Variants in XRN1 observed in about 807,000 individuals in gnomAD.
XRN1 encodes the protein 5'-3' exoribonuclease 1.
XRN1 carries 67 observed loss-of-function variants against 222.3 expected under a neutral mutation model. The observed-to-expected ratio is 0.30, with a 90% confidence interval of 0.25 to 0.37. The LOEUF is 0.37. Ranked by LOEUF, XRN1 falls within the 10% of genes least tolerant of loss-of-function variation. The pLI, the probability that XRN1 is intolerant of heterozygous loss-of-function variation, is 1.00. For missense variants in XRN1, 1,707 were observed against 2,000.2 expected, an observed-to-expected ratio of 0.85 and a Z score of 2.80; for synonymous variants, 643 against 652.4, an observed-to-expected ratio of 0.99 and a Z score of 0.22.
At chr3:142,383,254 C>T in intron 22 of XRN1, 46 bp downstream of exon 22, 1 of 1,455,156 alleles carries the variant, frequency 6.9e-7, no homozygotes, top group Non-Finnish European at 9.5e-7. Context: ...TAAGTAACTG[C>T]TTTAAACTAG....
chr3:142,332,465 T>C lies in XRN1; in HGVS notation c.4132A>G (p.Ile1378Val). The C allele has an allele frequency of 6.2e-7, 1 of 1,613,576 alleles. No individual in the cohort carries two copies. Among genetic ancestry groups the C allele is most frequent in the Non-Finnish European group, 8.5e-7 (1 of 1,179,640 alleles). The change falls in exon 36 of 41, where the codon ATC (isoleucine) becomes GTC (valine). Residue 1378 changes from isoleucine to valine, a missense_variant. Ile to Val is a conservative substitution (Grantham distance 29). Transcript: ENST00000392981. ...GGGATTTCATTAGCAATCTGTTTGA[T>C]TTCATTCTTATGGTCCACAGTGTTA... ...GSNTVDHKNE[I>V]KQIANEIPVS...
intron 33 of XRN1, among the ~76,000 whole-genome samples, chr3:142,343,815 T>C (rs1173475781): frequency 1.3e-5 from 2 of 152,284 alleles, no homozygotes. Flanking sequence ...TCACAACAGC[T>C]AAGATTTGGA....
At chr3:142,383,670 A>G (rs1470181829) in intron 21 of XRN1, among the ~76,000 whole-genome samples, 1 of 152,176 alleles carries the variant, frequency 6.6e-6, no homozygotes, top group Non-Finnish European at 1.5e-5. Flanking sequence ...TTTACAGATG[A>G]CAAAACTGGG....
chr3:142,443,444 A>C (rs971430212), intron 1 of XRN1, among the ~76,000 whole-genome samples: 17 of 106,214 alleles, frequency 1.6e-4, no homozygotes, highest in African/African-American at 4.8e-4. Context: ...ACACCTGATC[A>C]ATCAGAGAGC....
rs771901446 is a variant in XRN1, at chr3:142,333,107, T to C, written c.3940-18A>G. On this transcript the variant is annotated intron_variant, in intron 34 of 40. Coordinates refer to ENST00000392981, the MANE Select transcript of XRN1 (RefSeq NM_001282857.2). ...GAGTTAGGCTAAAAGAATAAATATT[T>C]TGGGCATGAAGATGAACGTATAATA... The C allele has an allele frequency of 5.6e-6, 9 of 1,608,424 alleles. No individual in the cohort carries two copies. The highest frequency in any genetic ancestry group is 7.6e-6 in the Non-Finnish European group (9 of 1,177,748).
chr3:142,371,774 C>T (rs542127404), intron 25 of XRN1, among the ~76,000 whole-genome samples: 7 of 152,240 alleles, frequency 4.6e-5, no homozygotes, highest in East Asian at 1.9e-4. Flanking sequence ...GCAAACTGAA[C>T]GTATATGCTT....
intron 7 of XRN1, 24 bp downstream of exon 7, chr3:142,422,811 G>A: frequency 1.2e-6 from 2 of 1,602,814 alleles, no homozygotes; most frequent in Non-Finnish European, 1.7e-6. Context: ...GAAATCCTTG[G>A]TCCATGGCTT....
At chr3:142,432,005 TAA>T (rs1343276938) in intron 2 of XRN1, among the ~76,000 whole-genome samples, 2 of 59,546 alleles carry the variant, frequency 3.4e-5, no homozygotes, top group African/African-American at 1.8e-4. Flanking sequence ...TGTATATATA[TAA>T]ATATATATTT....
rs746232160 is a variant in XRN1, at chr3:142,332,476, T to C, written c.4121A>G (p.His1374Arg). Residue 1374 changes from histidine (H) to arginine (R), a missense_variant, in exon 36 of 41, where the codon CAT becomes CGT. Coordinates refer to ENST00000392981, the MANE Select transcript of XRN1 (RefSeq NM_001282857.2). ...LKIDGSNTVD[H>R]KNEIKQIANE... ...AGCAATCTGTTTGATTTCATTCTTA[T>C]GGTCCACAGTGTTAGAGCCATCAAT... 7.4e-6 allele frequency: 12 copies of C among 1,613,698 alleles called. No individual in the cohort carries two copies. The highest frequency in any genetic ancestry group is 1.1e-5 in the South Asian group (1 of 91,058).
chr3:142,335,400 T>C (rs766773479), intron 34 of XRN1, 48 bp downstream of exon 34: 26 of 1,549,662 alleles, frequency 1.7e-5, no homozygotes, highest in Non-Finnish European at 2.0e-5. Flanking sequence ...GAGCCACCAA[T>C]TGCATTAAAA....
intron 20 of XRN1, among the ~76,000 whole-genome samples, chr3:142,390,917 T>C (rs949355442): frequency 2.6e-5 from 4 of 152,156 alleles, no homozygotes; most frequent in Admixed American, 2.0e-4. Context: ...CTATGTCTCA[T>C]GGAATAGGGA....
At chr3:142,410,764 G>C (rs2068544397) in intron 15 of XRN1, among the ~76,000 whole-genome samples, 1 of 152,026 alleles carries the variant, frequency 6.6e-6, no homozygotes, top group African/African-American at 2.4e-5. Flanking sequence ...AAAGTGCTGG[G>C]ATTACAGGCA....
intron 33 of XRN1, among the ~76,000 whole-genome samples, chr3:142,338,207 AG>A (rs1164449762): frequency 6.6e-6 from 1 of 152,210 alleles, no homozygotes; most frequent in African/African-American, 2.4e-5. Context: ...AGGCTCCAAA[AG>A]ACATCCCTCT....
rs1393435784 is a variant in XRN1, at chr3:142,357,053, G to C, written c.3531C>G (p.Arg1177=). 1.8e-5 allele frequency: 29 copies of C among 1,613,860 alleles called. No homozygotes were observed. The highest frequency in any genetic ancestry group is 2.4e-5 in the Non-Finnish European group (28 of 1,179,932). The stretch of plus-strand genomic sequence containing the variant: ...TCAACTTCTGATTTCCAGTTTCAGA[G>C]CGACTCCCATGAGAAAGGTTCACCA... ...SALVNLSHGS[R]SETGNQKLTA... The change falls in exon 31 of 41, where the codon CGC becomes CGG. Residue 1177 remains arginine, a synonymous_variant. Transcript: ENST00000392981.
Position 142,311,448 on chromosome 3 carries a change from G to T in XRN1, c.*63C>A. 1 of 1,384,408 alleles carries T rather than the reference G, an allele frequency of 7.2e-7. No individual in the cohort carries two copies. Among genetic ancestry groups the T allele is most frequent in the Non-Finnish European group, 9.8e-7 (1 of 1,019,872 alleles). 85.8% of individuals were successfully genotyped at this position (1,384,408 alleles called of 1,614,324 possible). On this transcript the variant is annotated 3_prime_UTR_variant, in exon 41 of 41. Coordinates refer to ENST00000392981, the MANE Select transcript of XRN1 (RefSeq NM_001282857.2). The stretch of plus-strand genomic sequence containing the variant: ...TACATTCTAATTTTTATGAGACATA[G>T]ATATGTATTTATAAAAAGGTAGATG...
chr3:142,377,086 A>G (rs538268933), intron 23 of XRN1, among the ~76,000 whole-genome samples: 4 of 152,236 alleles, frequency 2.6e-5, no homozygotes, highest in Admixed American at 6.5e-5. Context: ...ATATATGGAT[A>G]TAAGTAATAT....
At chr3:142,316,352 G>A (rs1417737366) in intron 39 of XRN1, among the ~76,000 whole-genome samples, 3 of 151,846 alleles carry the variant, frequency 2.0e-5, no homozygotes, top group African/African-American at 7.3e-5. Context: ...AAGTAGCTGG[G>A]ACTATAGGTG....
rs372085144 is a variant in XRN1 at position 142,422,707 on chromosome 3, T to C, written c.842A>G (p.Asp281Gly). The C allele has an allele frequency of 6.2e-7, 1 of 1,612,066 alleles. No individual in the cohort carries two copies. The highest frequency in any genetic ancestry group is 1.3e-5 in the African/African-American group (1 of 74,872). ...AACAAGAAACCCCATCAAAATCCAATCATCTATTATCCTTTCAATATCATA... is the reference window on the plus strand; with the variant it reads ...AACAAGAAACCCCATCAAAATCCAACCATCTATTATCCTTTCAATATCATA... ...FKYDIERIID[D>G]WILMGFLVGN... The change falls in exon 8 of 41, where the codon GAT becomes GGT. Residue 281 changes from aspartate to glycine, a missense_variant. Around this residue, in one of 2 missense-constraint regions of XRN1, gnomAD observed 1,234 missense variants for 1,518.2 expected, o/e 0.81. Coordinates refer to ENST00000392981, the MANE Select transcript of XRN1 (RefSeq NM_001282857.2).
chr3:142,405,346 C>A (rs1189865622), intron 15 of XRN1, among the ~76,000 whole-genome samples: 1 of 152,078 alleles, frequency 6.6e-6, no homozygotes, highest in African/African-American at 2.4e-5. Context: ...ATAAGCAAGG[C>A]AGCAGAAAAT....
Sources: allele counts gnomAD v4.1 joint callset (sites outside exome capture counted in the v4.1 genomes callset), GRCh38; gene constraint gnomAD v4.1.1; regional missense constraint gnomAD v4.1.1; transcripts MANE v1.5; gene names NCBI Gene and HGNC (gene_info 2026-07-23, HGNC 2026-07-21).